The following GPC6 variants were observed in gnomAD, a reference collection of about 807,000 sequenced individuals.
The protein encoded by GPC6 is glypican 6.
A neutral mutation model predicts 55.2 loss-of-function variants in GPC6; 14 were observed. The ratio of observed to expected loss-of-function variants is 0.25; its 90% CI spans 0.17 to 0.40. The LOEUF (loss-of-function observed/expected upper bound fraction) is 0.40, where lower values mean the gene tolerates loss of function less well. GPC6 is among the 10% of genes least tolerant of loss of function. The probability of loss-of-function intolerance (pLI) is 1.00; values close to 1 mark genes in which losing one functional copy is unlikely to be tolerated. For missense variants in GPC6, 641 were observed against 708.5 expected, an observed-to-expected ratio of 0.90 and a Z score of 1.08; for synonymous variants, 278 against 259.6, an observed-to-expected ratio of 1.07 and a Z score of -0.68.
chr13:93,858,266 T>C (rs1420878111), intron 3 of GPC6, among the ~76,000 whole-genome samples: 1 of 151,642 alleles, frequency 6.6e-6, no homozygotes, highest in Non-Finnish European at 1.5e-5. Context: ...GTTAATAACA[T>C]AATATTTCTA....
At chr13:93,719,002 G>T (rs1242530941) in intron 2 of GPC6, among the ~76,000 whole-genome samples, 1 of 151,946 alleles carries the variant, frequency 6.6e-6, no homozygotes, top group East Asian at 1.9e-4. Context: ...ATTATAGTTT[G>T]AAGTTAGGTA....
chr13:94,140,239 G>A (rs1301754015), intron 4 of GPC6, among the ~76,000 whole-genome samples: 2 of 152,196 alleles, frequency 1.3e-5, no homozygotes, highest in East Asian at 1.9e-4. Flanking sequence ...ATGTAGTACC[G>A]CAGGGACTGG....
chr13:93,634,245 A>G (rs1417087837), intron 2 of GPC6, among the ~76,000 whole-genome samples: 1 of 152,176 alleles, frequency 6.6e-6, no homozygotes, highest in Non-Finnish European at 1.5e-5. Flanking sequence ...TTGGCTTCCA[A>G]AAACCTCAGG....
chr13:93,469,477 A>T (rs1156320415), intron 1 of GPC6, among the ~76,000 whole-genome samples: 1 of 152,094 alleles, frequency 6.6e-6, no homozygotes, highest in Non-Finnish European at 1.5e-5. Flanking sequence ...ACAGAAAAAA[A>T]CTCTTCAATT....
At chr13:94,131,892 G>A (rs1252666985) in intron 4 of GPC6, among the ~76,000 whole-genome samples, 1 of 152,086 alleles carries the variant, frequency 6.6e-6, no homozygotes, top group Non-Finnish European at 1.5e-5. Flanking sequence ...TGCTATACAA[G>A]AAAAGAAAAA....
At chr13:93,687,901 T>C (rs541212120) in intron 2 of GPC6, among the ~76,000 whole-genome samples, 1 of 151,738 alleles carries the variant, frequency 6.6e-6, no homozygotes, top group Non-Finnish European at 1.5e-5. Context: ...TTGGCTTTTT[T>C]TTTTATGAGA....
At chr13:93,413,532 T>C (rs1876588682) in intron 1 of GPC6, among the ~76,000 whole-genome samples, 1 of 151,390 alleles carries the variant, frequency 6.6e-6, no homozygotes, top group East Asian at 1.9e-4. Flanking sequence ...GTCAATTCTT[T>C]TTTAAAATAG....
intron 3 of GPC6, among the ~76,000 whole-genome samples, chr13:93,883,508 A>T (rs1875126108): frequency 6.6e-6 from 1 of 152,024 alleles, no homozygotes; most frequent in Non-Finnish European, 1.5e-5. Context: ...GTCAAGACTA[A>T]GGTGGTATCA....
intron 2 of GPC6, among the ~76,000 whole-genome samples, chr13:93,720,252 A>G (rs1246977474): frequency 6.6e-6 from 1 of 151,984 alleles, no homozygotes; most frequent in East Asian, 1.9e-4. Flanking sequence ...AGAACTTGTT[A>G]TTGGTCTATT....
At chr13:94,151,734 A>G (rs535202856) in intron 4 of GPC6, among the ~76,000 whole-genome samples, 4 of 152,152 alleles carry the variant, frequency 2.6e-5, no homozygotes, top group Admixed American at 6.6e-5. Context: ...AGACATTTCC[A>G]GAGCCTTCCT....
At chr13:93,273,153 A>C (rs1262040917) in intron 1 of GPC6, among the ~76,000 whole-genome samples, 7 of 152,218 alleles carry the variant, frequency 4.6e-5, no homozygotes, top group Admixed American at 4.6e-4. Flanking sequence ...AAAACCTTTT[A>C]GTTCTCTCTG....
intron 4 of GPC6, among the ~76,000 whole-genome samples, chr13:94,119,578 C>G (rs773222431): frequency 3.9e-5 from 6 of 152,096 alleles, no homozygotes; most frequent in Non-Finnish European, 8.8e-5. Flanking sequence ...CCAAATTACA[C>G]AACTTGGCTG....
intron 6 of GPC6, among the ~76,000 whole-genome samples, chr13:94,326,892 C>T (rs1877149206): frequency 6.6e-6 from 1 of 152,230 alleles, no homozygotes; most frequent in Non-Finnish European, 1.5e-5. Context: ...GTCAGAGTAA[C>T]TTGTTCCCTC....
intron 2 of GPC6, among the ~76,000 whole-genome samples, chr13:93,742,928 A>G (rs1326977970): frequency 1.7e-5 from 2 of 116,828 alleles, no homozygotes; most frequent in Non-Finnish European, 3.8e-5. Flanking sequence ...TTCACTATGG[A>G]AAAATGAGTG....
chr13:94,251,915 C>G (rs1891362658), intron 4 of GPC6, among the ~76,000 whole-genome samples: 1 of 152,042 alleles, frequency 6.6e-6, no homozygotes, highest in Admixed American at 6.6e-5. Context: ...ATGCCTGTAG[C>G]TAGGTCTACA....
chr13:93,851,650 A>T (rs1298717365), intron 3 of GPC6, among the ~76,000 whole-genome samples: 1 of 151,886 alleles, frequency 6.6e-6, no homozygotes, highest in African/African-American at 2.4e-5. Flanking sequence ...CTAGCTTGGA[A>T]GAATTATGTT....
Position 94,136,649 on chromosome 13 carries a change from G to C in GPC6, c.877+108755G>C, listed in dbSNP as rs142724475. Among the ~76,000 whole-genome samples the C allele has an allele frequency of 9.8e-5, 15 of 152,298 alleles. No homozygotes were observed. In the East Asian group the frequency reaches 2.9e-3, roughly 29 times the overall value. On this transcript the variant is annotated intron_variant, in intron 4 of 8. Coordinates refer to ENST00000377047, the MANE Select transcript of GPC6 (RefSeq NM_005708.5). Reference sequence around the variant, plus strand: ...GGCGTGAACCCGGGAAGCAGAGCTTGCAGTGAGCCAAGATCTTGCCACTGC... The same window carrying C: ...GGCGTGAACCCGGGAAGCAGAGCTTCCAGTGAGCCAAGATCTTGCCACTGC...
chr13:93,407,310 G>A (rs1172288790), intron 1 of GPC6, among the ~76,000 whole-genome samples: 6 of 151,896 alleles, frequency 4.0e-5, no homozygotes, highest in Admixed American at 3.9e-4. Context: ...AATATTAATT[G>A]ACAAATCTAG....
intron 1 of GPC6, among the ~76,000 whole-genome samples, chr13:93,448,660 A>C (rs1878101675): frequency 6.6e-6 from 1 of 152,228 alleles, no homozygotes. Context: ...TGAGTAACGT[A>C]ATCTGGATAC....
Sources: allele counts gnomAD v4.1 joint callset (sites outside exome capture counted in the v4.1 genomes callset), GRCh38; gene constraint gnomAD v4.1.1; transcripts MANE v1.5; gene names NCBI Gene and HGNC (gene_info 2026-07-23, HGNC 2026-07-21).